DPP6: variants seen among roughly 807,000 people sequenced by gnomAD.
DPP6 encodes the protein dipeptidyl peptidase like 6, also known as A-type potassium channel modulatory protein DPP6.
Under a neutral mutation model 122.6 loss-of-function variants are expected in DPP6, and 69 were observed. The observed-to-expected ratio is 0.56, with a 90% CI of 0.46 to 0.69. The LOEUF (loss-of-function observed/expected upper bound fraction) is 0.69. DPP6 is among the 30% of genes least tolerant of loss of function. DPP6 has a pLI of 0.00. For missense variants in DPP6, 928 were observed against 1,116.9 expected, an observed-to-expected ratio of 0.83 and a Z score of 2.41; for synonymous variants, 418 against 433.1, an observed-to-expected ratio of 0.97 and a Z score of 0.43.
At chr7:154,123,206 A>G (rs1020700792) in intron 1 of DPP6, among the ~76,000 whole-genome samples, 3 of 152,202 alleles carry the variant, frequency 2.0e-5, no homozygotes, top group African/African-American at 7.2e-5. Context: ...ACCAATATCA[A>G]TTAATTACAT....
chr7:154,100,030 T>C (rs1373092188), intron 1 of DPP6, among the ~76,000 whole-genome samples: 1 of 115,290 alleles, frequency 8.7e-6, no homozygotes, highest in Admixed American at 9.0e-5. Flanking sequence ...CCATTGTTTT[T>C]AGATTGGGAA....
At chr7:154,299,531 T>C (rs962568891) in intron 1 of DPP6, among the ~76,000 whole-genome samples, 7 of 152,226 alleles carry the variant, frequency 4.6e-5, no homozygotes, top group Admixed American at 1.3e-4. Context: ...TGTTGTTTCT[T>C]TCTTTCCAAC....
rs1823855301 is a variant in DPP6, at chr7:154,487,017, C to A, written c.457+11980C>A. Among the ~76,000 whole-genome samples the A allele has an allele frequency of 2.0e-5, 3 of 152,262 alleles. No individual in the cohort carries two copies. In the South Asian group the frequency reaches 6.2e-4, roughly 32 times the overall value. The stretch of plus-strand genomic sequence containing the variant: ...TACTTTTCCTTGGCAAACGTTGCAT[C>A]CCTGGGAAATTTAAATACAACTTCC... On this transcript the variant is annotated intron_variant, in intron 3 of 25. Transcript: ENST00000377770.
At chr7:154,813,326 G>T (rs1012636602) in intron 16 of DPP6, among the ~76,000 whole-genome samples, 1 of 151,870 alleles carries the variant, frequency 6.6e-6, no homozygotes, top group Non-Finnish European at 1.5e-5. Flanking sequence ...CTTGTGATCT[G>T]CCCACCTCGG....
chr7:154,515,384 G>A (rs1826406913), intron 3 of DPP6, among the ~76,000 whole-genome samples: 1 of 152,186 alleles, frequency 6.6e-6, no homozygotes, highest in Non-Finnish European at 1.5e-5. Context: ...CACCGTGCAT[G>A]AGAGGCCAGA....
At chr7:154,712,121 C>A (rs1256363961) in intron 7 of DPP6, among the ~76,000 whole-genome samples, 1 of 152,184 alleles carries the variant, frequency 6.6e-6, no homozygotes, top group Non-Finnish European at 1.5e-5. Flanking sequence ...AGCCAACTCA[C>A]ATGCTAAACC....
At chr7:153,829,342 A>C in the DPP6 span, among the ~76,000 whole-genome samples, 1 of 151,940 alleles carries the variant, frequency 6.6e-6, no homozygotes, top group African/African-American at 2.4e-5. Context: ...CAGCCTCCTG[A>C]GTAGCTGGGA....
chr7:153,933,232 A>G (rs1261858982), intron 1 of DPP6, among the ~76,000 whole-genome samples: 1 of 152,012 alleles, frequency 6.6e-6, no homozygotes, highest in Non-Finnish European at 1.5e-5. Context: ...TTTTTTGACC[A>G]ATGATCTCTA....
rs1470268635 is a variant in DPP6 at position 154,875,582 on chromosome 7, C to T, written c.1884-324C>T. Among the ~76,000 whole-genome samples the T allele has an allele frequency of 6.6e-6, 1 of 151,338 alleles. No individual in the cohort carries two copies. Among genetic ancestry groups the T allele is most frequent in the East Asian group, 2.0e-4 (1 of 5,074 alleles). On this transcript the variant is annotated intron_variant, in intron 19 of 25. Transcript: ENST00000377770. The surrounding 1 kb of genome is among the most constrained non-coding windows in gnomAD (Gnocchi z 4.5). ...CTTCTTGCCGTGTAGGGAAGGTCCCCGCAGGGAGAAGGTGGGAGGATTTGT... is the reference window on the plus strand; with the variant it reads ...CTTCTTGCCGTGTAGGGAAGGTCCCTGCAGGGAGAAGGTGGGAGGATTTGT...
At chr7:154,602,713 G>A (rs114547453) in intron 5 of DPP6, among the ~76,000 whole-genome samples, 4,324 of 113,688 alleles carry the variant, frequency 0.038, 888 homozygotes, top group African/African-American at 0.11. Context: ...TTAGAGGTGT[G>A]AGCCAGCATG....
chr7:154,235,212 A>G lies in DPP6; in HGVS notation c.243+182149A>G, dbSNP rs376424389. Among the ~76,000 whole-genome samples the G allele has an allele frequency of 6.0e-4, 91 of 152,282 alleles. 2 individuals carry two copies. In the South Asian group the frequency reaches 0.018, roughly 31 times the overall value. ...TGTCCCCAACCCCTGGCACCCAGGC[A>G]TCTGTGATCACTCTGTGGATGCACC... On this transcript the variant is annotated intron_variant, in intron 1 of 25. Coordinates refer to ENST00000377770, the MANE Select transcript of DPP6 (RefSeq NM_130797.4).
intron 3 of DPP6, among the ~76,000 whole-genome samples, chr7:154,498,586 C>T (rs1824954228): frequency 6.6e-6 from 1 of 152,174 alleles, no homozygotes; most frequent in African/African-American, 2.4e-5. Flanking sequence ...CATCCACCCT[C>T]CTCAGCCTCC....
At chr7:154,752,060 T>A (rs548963085) in intron 8 of DPP6, among the ~76,000 whole-genome samples, 1 of 152,310 alleles carries the variant, frequency 6.6e-6, no homozygotes. Flanking sequence ...AGGGCGTCCT[T>A]GGAAAGCAAA....
chr7:154,770,657 G>A (rs1004497168), intron 9 of DPP6, among the ~76,000 whole-genome samples: 6 of 152,198 alleles, frequency 3.9e-5, no homozygotes, highest in African/African-American at 2.4e-5. Context: ...TCAGTTTATG[G>A]TGTTTTGTTA....
chr7:154,258,971 G>A (rs1203760988), intron 1 of DPP6, among the ~76,000 whole-genome samples: 1 of 149,706 alleles, frequency 6.7e-6, no homozygotes, highest in Non-Finnish European at 1.5e-5. Flanking sequence ...ACTCGGAGGA[G>A]TAAGAGCTGA....
chr7:154,030,298 A>G (rs1302931572), intron 1 of DPP6, among the ~76,000 whole-genome samples: 1 of 152,172 alleles, frequency 6.6e-6, no homozygotes, highest in Non-Finnish European at 1.5e-5. Context: ...GATTTCACCT[A>G]AATATCAGAA....
At chr7:154,693,635 A>T (rs1465158041) in intron 7 of DPP6, among the ~76,000 whole-genome samples, 1 of 152,130 alleles carries the variant, frequency 6.6e-6, no homozygotes, top group African/African-American at 2.4e-5. Flanking sequence ...GGAGCCCTGA[A>T]ACACCAATAG....
At chr7:154,422,717 G>GTGGGTGGATGGATGGA (rs1817576688) in intron 1 of DPP6, among the ~76,000 whole-genome samples, 1 of 147,966 alleles carries the variant, frequency 6.8e-6, no homozygotes, top group African/African-American at 2.5e-5. Context: ...AGATGGATGG[G>GTGGGTGGATGGATGGA]TGAGTGGATG....
intron 2 of DPP6, among the ~76,000 whole-genome samples, chr7:154,454,766 G>A (rs771685047): frequency 2.0e-5 from 3 of 152,174 alleles, no homozygotes; most frequent in African/African-American, 4.8e-5. Context: ...TCATCTTATC[G>A]TTGGAAGGAA....
Sources: allele counts gnomAD v4.1 joint callset (sites outside exome capture counted in the v4.1 genomes callset), GRCh38; gene constraint gnomAD v4.1.1; non-coding constraint Gnocchi (gnomAD v3.1); transcripts MANE v1.5; gene names NCBI Gene and HGNC (gene_info 2026-07-23, HGNC 2026-07-21).